Variants in CCAR1 observed in about 807,000 individuals in gnomAD.
The protein encoded by CCAR1 is cell division cycle and apoptosis regulator 1, also known as cell division cycle and apoptosis regulator protein 1.
A neutral mutation model predicts 163.8 loss-of-function variants in CCAR1; 78 were observed. The observed-to-expected ratio is 0.48, with a 90% CI of 0.40 to 0.57. The LOEUF (loss-of-function observed/expected upper bound fraction) is 0.57, where lower values mean the gene tolerates loss of function less well. CCAR1 is among the 20% of genes least tolerant of loss of function. The probability of loss-of-function intolerance (pLI) is 0.00; values close to 1 mark genes in which losing one functional copy is unlikely to be tolerated. For synonymous variants in CCAR1, 443 were observed against 460.7 expected (o/e 0.96, Z 0.49); for missense variants, 1,019 against 1,365.2 (o/e 0.75, Z 4.00).
intron 6 of CCAR1, among the ~76,000 whole-genome samples, chr10:68,743,539 ACTTT>A (rs1468529920): frequency 1.4e-5 from 2 of 147,310 alleles, no homozygotes; most frequent in Admixed American, 6.8e-5. Flanking sequence ...TTTCTTTCCT[ACTTT>A]CTTTTCTTTT....
intron 4 of CCAR1, among the ~76,000 whole-genome samples, chr10:68,738,133 G>C (rs1157403939): frequency 6.6e-6 from 1 of 152,210 alleles, no homozygotes; most frequent in Non-Finnish European, 1.5e-5. Flanking sequence ...AGTATGAGGA[G>C]GCTGGGCGCA....
chr10:68,786,738 T>G, intron 21 of CCAR1, 46 bp downstream of exon 21: 1 of 1,504,698 alleles, frequency 6.6e-7, no homozygotes. Flanking sequence ...TTTTTAAAAG[T>G]TACCTTTCCA....
chr10:68,749,179 A>G lies in CCAR1; in HGVS notation c.870A>G (p.Gln290=). 1.2e-6 allele frequency: 2 copies of G among 1,613,868 alleles called. No homozygotes were observed. Among genetic ancestry groups the G allele is most frequent in the Non-Finnish European group, 1.7e-6 (2 of 1,179,950 alleles). The part of the protein sequence containing the change: ...QPPVRIVSQP[Q]PARRLDPPSR... ...CTGTTCGTATAGTTTCACAGCCACAACCGGCACGACGATTAGATCCCCCAT... is the reference window on the plus strand; with the variant it reads ...CTGTTCGTATAGTTTCACAGCCACAGCCGGCACGACGATTAGATCCCCCAT... Residue 290 remains glutamine, a synonymous_variant, in exon 9 of 25, where the codon CAA becomes CAG. Coordinates refer to ENST00000265872, the MANE Select transcript of CCAR1 (RefSeq NM_018237.4).
At chr10:68,736,546 T>A (rs118188124) in intron 2 of CCAR1, among the ~76,000 whole-genome samples, 8 of 152,280 alleles carry the variant, frequency 5.3e-5, no homozygotes, top group Non-Finnish European at 8.8e-5. Context: ...TAGTTTGACT[T>A]TCTTATACTC....
At chr10:68,752,252 C>T (rs2056342202) in intron 10 of CCAR1, among the ~76,000 whole-genome samples, 1 of 151,948 alleles carries the variant, frequency 6.6e-6, no homozygotes. Context: ...AAGTAAATTC[C>T]GAGAACATTA....
intron 8 of CCAR1, among the ~76,000 whole-genome samples, chr10:68,748,678 CAG>C (rs1328881866): frequency 2.6e-5 from 4 of 151,788 alleles, no homozygotes; most frequent in Non-Finnish European, 4.4e-5. Context: ...TTTGTAGAGA[CAG>C]GGTTTCACCA....
At chr10:68,755,090 AGT>A in intron 12 of CCAR1, 1 of 649,346 alleles carries the variant, frequency 1.5e-6, no homozygotes, top group Non-Finnish European at 2.8e-6. Context: ...TAGGATTCAG[AGT>A]GTCTTTGGAT....
intron 2 of CCAR1, among the ~76,000 whole-genome samples, chr10:68,725,052 C>T (rs1424263514): frequency 6.6e-6 from 1 of 152,066 alleles, no homozygotes; most frequent in East Asian, 1.9e-4. Flanking sequence ...GCAGGAAAAT[C>T]TCTTGAACCC....
chr10:68,766,447 C>T (rs942092073), intron 17 of CCAR1, among the ~76,000 whole-genome samples: 4 of 151,916 alleles, frequency 2.6e-5, no homozygotes, highest in Admixed American at 1.3e-4. Context: ...AGGTGATCTG[C>T]CCGCCTCAGC....
intron 2 of CCAR1, among the ~76,000 whole-genome samples, chr10:68,726,113 TAAA>T (rs747643778): frequency 2.7e-4 from 25 of 93,648 alleles, no homozygotes; most frequent in South Asian, 3.8e-4. Flanking sequence ...GACCCTGTCC[TAAA>T]AAAAAAAAAA....
At chr10:68,742,733 A>G in intron 6 of CCAR1, among the ~76,000 whole-genome samples, 164 bp downstream of exon 6, 1 of 152,158 alleles carries the variant, frequency 6.6e-6, no homozygotes, top group South Asian at 2.1e-4. Flanking sequence ...CTCTTGCCTC[A>G]GCCTTCGGAG....
chr10:68,775,497 C>CTTTTTTTTTTTTTT (rs58856212), intron 19 of CCAR1, among the ~76,000 whole-genome samples: 25 of 117,966 alleles, frequency 2.1e-4, no homozygotes, highest in East Asian at 4.7e-4. Context: ...GCCTCATTTT[C>CTTTTTTTTTTTTTT]TTTTTTTTTT....
intron 2 of CCAR1, among the ~76,000 whole-genome samples, chr10:68,732,498 C>T (rs2056054542): frequency 6.6e-6 from 1 of 151,994 alleles, no homozygotes; most frequent in Non-Finnish European, 1.5e-5. Flanking sequence ...TACAGGTGTG[C>T]ACCACCATGC....
chr10:68,752,628 T>C (rs1163139), intron 10 of CCAR1, among the ~76,000 whole-genome samples: 2 of 152,266 alleles, frequency 1.3e-5, no homozygotes, highest in Admixed American at 6.5e-5. Context: ...TCCAGCACTT[T>C]AGGAGGCTGA....
At position 68,742,439 on chromosome 10, in the gene CCAR1, G is replaced by A; in HGVS notation, c.388G>A (p.Val130Ile). Residue 130 changes from valine to isoleucine, a missense_variant, in exon 6 of 25, where the codon GTA becomes ATA. Physicochemically the swap from Val to Ile is conservative, Grantham distance 29 (BLOSUM62 3). This residue lies in a region of CCAR1 where 644 missense variants were observed against 904.4 expected (regional missense o/e 0.71). Coordinates refer to ENST00000265872, the MANE Select transcript of CCAR1 (RefSeq NM_018237.4). ...TCCTCAGCCAACAGCACAAATAACT[G>A]TATCATATCCAACACCAAGGTCCAG... ...STPQPTAQIT[V>I]SYPTPRSSQQ... is the part of the protein sequence containing the mutation. The A allele has an allele frequency of 1.2e-6, 2 of 1,614,142 alleles. No individual in the cohort carries two copies. Among genetic ancestry groups the A allele is most frequent in the Non-Finnish European group, 8.5e-7 (1 of 1,180,028 alleles).
At chr10:68,721,442 G>A (rs895793733) in intron 1 of CCAR1, 160 bp downstream of exon 1, 1 of 310,190 alleles carries the variant, frequency 3.2e-6, no homozygotes, top group African/African-American at 2.4e-5. Context: ...GGAGGGACGC[G>A]GTCCCTTTTG....
intron 2 of CCAR1, chr10:68,735,743 T>C (rs2056100938): frequency 6.6e-6 from 1 of 152,220 alleles, no homozygotes; most frequent in Non-Finnish European, 1.5e-5. Context: ...AGCATTGTAA[T>C]CAGAAGGGGA....
At chr10:68,790,263 G>A (rs528524326) in intron 24 of CCAR1, among the ~76,000 whole-genome samples, 16 of 151,880 alleles carry the variant, frequency 1.1e-4, no homozygotes, top group Admixed American at 3.3e-4. Context: ...AGGCTGAGAC[G>A]GGAATCACTT....
intron 16 of CCAR1, among the ~76,000 whole-genome samples, chr10:68,765,266 TA>T (rs1346419060): frequency 6.6e-6 from 1 of 152,202 alleles, no homozygotes; most frequent in Non-Finnish European, 1.5e-5. Context: ...CTTCAGATCT[TA>T]AAATAAATTC....
Sources: gnomAD v4.1 joint callset for allele counts (sites outside exome capture counted in the v4.1 genomes callset) on GRCh38, gnomAD v4.1.1 for gene constraint, gnomAD v4.1.1 regional missense constraint, MANE v1.5 for transcripts, NCBI Gene and HGNC (gene_info 2026-07-23, HGNC 2026-07-21) for gene names.